The following CATSPERT variants were observed in gnomAD, a reference collection of about 807,000 sequenced individuals.
The protein encoded by CATSPERT is cation channel sperm-associated targeting subunit tau.
At chr2:201,487,641 G>C in the CATSPERT span, 1 of 1,604,856 alleles carries the variant, frequency 6.2e-7, no homozygotes, top group East Asian at 2.2e-5. Context: ...TTTTTTGGCC[G>C]CATTTTATGC....
At chr2:201,490,456 G>A in the CATSPERT span, among the ~76,000 whole-genome samples, 1 of 152,182 alleles carries the variant, frequency 6.6e-6, no homozygotes, top group Non-Finnish European at 1.5e-5. Flanking sequence ...TCTGGCCACA[G>A]CCAATGGTTG....
the CATSPERT span, among the ~76,000 whole-genome samples, chr2:201,560,192 C>A: frequency 6.6e-6 from 1 of 151,990 alleles, no homozygotes; most frequent in Non-Finnish European, 1.5e-5. Context: ...CTTTGGGAGG[C>A]CAAGGTGAGT....
the CATSPERT span, chr2:201,555,440 A>T: frequency 6.6e-6 from 1 of 152,224 alleles, no homozygotes; most frequent in African/African-American, 2.4e-5. Flanking sequence ...GCTTGAAGCC[A>T]GGAGGCAGAG....
At chr2:201,546,132 G>A in the CATSPERT span, among the ~76,000 whole-genome samples, 1 of 152,006 alleles carries the variant, frequency 6.6e-6, no homozygotes, top group Non-Finnish European at 1.5e-5. Flanking sequence ...TTAATAAAAA[G>A]TCCTCCAAAA....
the CATSPERT span, among the ~76,000 whole-genome samples, chr2:201,578,652 AATG>A: frequency 2.0e-5 from 3 of 152,172 alleles, no homozygotes; most frequent in African/African-American, 7.2e-5. Flanking sequence ...AGAATTGTGG[AATG>A]ATGGGTGATT....
the CATSPERT span, among the ~76,000 whole-genome samples, chr2:201,496,562 C>T: frequency 1.5e-4 from 23 of 152,164 alleles, no homozygotes; most frequent in Non-Finnish European, 2.5e-4. Context: ...AGGCTGGTCT[C>T]GAACTCCTGA....
At chr2:201,512,947 G>GGGA in the CATSPERT span, among the ~76,000 whole-genome samples, 206 of 151,198 alleles carry the variant, frequency 1.4e-3, 1 homozygote, top group African/African-American at 4.8e-3. Flanking sequence ...GGGGGGAGGA[G>GGGA]GGAGGGATAG....
At chr2:201,585,766 C>A in the CATSPERT span, among the ~76,000 whole-genome samples, 1 of 152,054 alleles carries the variant, frequency 6.6e-6, no homozygotes, top group African/African-American at 2.4e-5. Context: ...TACATAATTT[C>A]TATGATAGCC....
At chr2:201,571,907 A>G in the CATSPERT span, 1 of 1,582,092 alleles carries the variant, frequency 6.3e-7, no homozygotes, top group East Asian at 2.2e-5. Flanking sequence ...GTGCCACATG[A>G]TCTGACCATA....
At chr2:201,595,752 G>A in the CATSPERT span, among the ~76,000 whole-genome samples, 4 of 152,142 alleles carry the variant, frequency 2.6e-5, no homozygotes, top group Non-Finnish European at 5.9e-5. Context: ...GTTTGGCAGG[G>A]CACAGACAAA....
At chr2:201,536,334 C>G in the CATSPERT span, 1 of 1,563,696 alleles carries the variant, frequency 6.4e-7, no homozygotes, top group Non-Finnish European at 8.6e-7. Flanking sequence ...GAAAATACAG[C>G]AATAAAACAA....
chr2:201,494,592 A>C, the CATSPERT span: 5 of 1,537,310 alleles, frequency 3.3e-6, no homozygotes, highest in Non-Finnish European at 4.4e-6. Flanking sequence ...CAGGTCCTGC[A>C]GTTTTTGATT....
chr2:201,557,139 T>C, the CATSPERT span: 13 of 152,202 alleles, frequency 8.5e-5, no homozygotes, highest in African/African-American at 2.7e-4. Flanking sequence ...ATAATATCTG[T>C]ACCAGTGGCA....
chr2:201,568,406 G>C, the CATSPERT span, among the ~76,000 whole-genome samples: 1 of 152,128 alleles, frequency 6.6e-6, no homozygotes, highest in Non-Finnish European at 1.5e-5. Flanking sequence ...AAGGTGTATT[G>C]CTCACCTTGT....
At chr2:201,549,532 G>C in the CATSPERT span, 3 of 152,010 alleles carry the variant, frequency 2.0e-5, no homozygotes, top group African/African-American at 7.2e-5. Flanking sequence ...TTTCAGGCTA[G>C]CTTCATAACC....
At chr2:201,584,195 T>C in the CATSPERT span, among the ~76,000 whole-genome samples, 1 of 151,842 alleles carries the variant, frequency 6.6e-6, no homozygotes, top group Admixed American at 6.6e-5. Flanking sequence ...GAGGCTGAGA[T>C]AGGAGGATCA....
chr2:201,577,987 GTATT>G, the CATSPERT span, among the ~76,000 whole-genome samples: 4 of 152,036 alleles, frequency 2.6e-5, no homozygotes, highest in African/African-American at 4.8e-5. Context: ...AATATATACT[GTATT>G]TATCAAGTAA....
At chr2:201,597,128 C>T in the CATSPERT span, among the ~76,000 whole-genome samples, 1 of 152,266 alleles carries the variant, frequency 6.6e-6, no homozygotes, top group Admixed American at 6.5e-5. Context: ...ATAGAGGCTT[C>T]GTTAGAGGAT....
At chr2:201,505,881 T>C in the CATSPERT span, among the ~76,000 whole-genome samples, 5 of 152,192 alleles carry the variant, frequency 3.3e-5, no homozygotes, top group Non-Finnish European at 7.3e-5. Flanking sequence ...GAGGGGTATA[T>C]AGGAACTCTC....
Sources: gnomAD v4.1 joint callset for allele counts (sites outside exome capture counted in the v4.1 genomes callset) on GRCh38, gnomAD v4.1.1 for gene constraint, MANE v1.5 for transcripts, NCBI Gene and HGNC (gene_info 2026-07-23, HGNC 2026-07-21) for gene names.